The following CTNND2 variants were observed in gnomAD, a reference collection of about 807,000 sequenced individuals.
CTNND2 encodes the protein catenin delta-2.
CTNND2 carries 22 observed loss-of-function variants against 144.4 expected under a neutral mutation model. That is an observed-to-expected ratio of 0.15 (90% CI 0.11 to 0.22). CTNND2 has a LOEUF of 0.22. Ranked by LOEUF, CTNND2 falls within the 10% of genes least tolerant of loss-of-function variation. The probability of loss-of-function intolerance (pLI) is 1.00; values close to 1 mark genes in which losing one functional copy is unlikely to be tolerated. For missense variants in CTNND2, 1,353 were observed against 1,618.8 expected (o/e 0.84, Z 2.82); for synonymous variants, 751 against 695.6 (o/e 1.08, Z -1.25).
intron 2 of CTNND2, among the ~76,000 whole-genome samples, chr5:11,637,986 T>C (rs1401231784): frequency 6.6e-6 from 1 of 152,216 alleles, no homozygotes; most frequent in Non-Finnish European, 1.5e-5. Context: ...AACCGGTCTC[T>C]AAAGTCTTTG....
intron 6 of CTNND2, among the ~76,000 whole-genome samples, chr5:11,394,001 G>A (rs1759855731): frequency 6.6e-6 from 1 of 152,134 alleles, no homozygotes; most frequent in South Asian, 2.1e-4. Context: ...AGCATGCCAG[G>A]CTGCCCCATC....
chr5:11,089,223 G>A (rs1275584826), intron 15 of CTNND2, among the ~76,000 whole-genome samples: 2 of 152,130 alleles, frequency 1.3e-5, no homozygotes, highest in Non-Finnish European at 2.9e-5. Flanking sequence ...ATTTGCCTAT[G>A]TGGGGGTCTC....
intron 20 of CTNND2, among the ~76,000 whole-genome samples, chr5:10,982,328 G>A (rs2149487342): frequency 6.6e-6 from 1 of 152,352 alleles, no homozygotes; most frequent in Non-Finnish European, 1.5e-5. Flanking sequence ...ACGGGCAGGG[G>A]GCATCGCCTG....
intron 3 of CTNND2, among the ~76,000 whole-genome samples, chr5:11,556,681 T>C (rs964955600): frequency 5.9e-5 from 9 of 152,316 alleles, no homozygotes; most frequent in African/African-American, 2.2e-4. Flanking sequence ...GAATGGCCTT[T>C]GATAGTATTT....
chr5:11,291,850 C>G (rs1748381981), intron 9 of CTNND2, among the ~76,000 whole-genome samples: 1 of 152,280 alleles, frequency 6.6e-6, no homozygotes, highest in South Asian at 2.1e-4. Flanking sequence ...TTCCTGATGT[C>G]TTGCAAAACT....
chr5:11,708,355 C>T (rs891542276), intron 2 of CTNND2, among the ~76,000 whole-genome samples: 5 of 152,072 alleles, frequency 3.3e-5, no homozygotes, highest in Admixed American at 3.3e-4. Flanking sequence ...TTAAACATTA[C>T]CAAAGGGGGC....
chr5:11,489,102 G>A lies in CTNND2; in HGVS notation c.287+75842C>T, dbSNP rs148685468. Among the ~76,000 whole-genome samples the A allele has an allele frequency of 2.1e-3, 318 of 152,214 alleles. 3 individuals are homozygous for A. The highest frequency in any genetic ancestry group is 2.9e-3 in the Non-Finnish European group (198 of 68,006). On this transcript the variant is annotated intron_variant, in intron 3 of 21. Transcript: ENST00000304623. The stretch of plus-strand genomic sequence containing the variant: ...AGTTGGATTCTGGGTCACAGGGTAC[G>A]TATATATTTATATGAAATTGCCAAA...
intron 3 of CTNND2, among the ~76,000 whole-genome samples, chr5:11,446,837 AG>A (rs1317024788): frequency 6.6e-6 from 1 of 152,116 alleles, no homozygotes; most frequent in African/African-American, 2.4e-5. Flanking sequence ...CGTGGATAAA[AG>A]TTTCTCAAAG....
intron 9 of CTNND2, among the ~76,000 whole-genome samples, chr5:11,327,306 G>C (rs577934299): frequency 8.8e-4 from 134 of 152,146 alleles, no homozygotes; most frequent in Non-Finnish European, 1.2e-3. Context: ...TGGGACAAAG[G>C]CTCAGTGGGA....
chr5:11,213,153 G>GT (rs1476814761), intron 10 of CTNND2, among the ~76,000 whole-genome samples: 1 of 152,142 alleles, frequency 6.6e-6, no homozygotes, highest in Non-Finnish European at 1.5e-5. Context: ...CAACTTAAAT[G>GT]TTTTTACTCC....
chr5:11,637,937 C>T (rs568358978), intron 2 of CTNND2, among the ~76,000 whole-genome samples: 39 of 152,168 alleles, frequency 2.6e-4, no homozygotes, highest in South Asian at 4.1e-4. Context: ...CTTAAGAAAA[C>T]GAATACCGTA....
In CTNND2 at chr5:11,412,087, C is replaced by G. The variant is rs773327122; in HGVS notation, c.288-18G>C. 6 of 1,600,702 alleles carry G rather than the reference C, an allele frequency of 3.7e-6. No individual in the cohort carries two copies. The East Asian group carries it at 8.9e-5, about 24-fold the overall frequency. On this transcript the variant is annotated intron_variant, in intron 3 of 21. Transcript: ENST00000304623. ...CTGCTGAACTGTAAAAAAGAAAATA[C>G]AGAGATATAATGCATTGATTAGAAA...
intron 2 of CTNND2, among the ~76,000 whole-genome samples, chr5:11,598,947 C>G (rs886763036): frequency 1.3e-5 from 2 of 152,140 alleles, no homozygotes; most frequent in Admixed American, 6.5e-5. Context: ...AGGAAACTCA[C>G]AATTACGTCA....
At chr5:11,178,510 A>G (rs562542359) in intron 11 of CTNND2, among the ~76,000 whole-genome samples, 1 of 152,326 alleles carries the variant, frequency 6.6e-6, no homozygotes, top group South Asian at 2.1e-4. Flanking sequence ...ATAGAGAGGC[A>G]GAGATGATAC....
chr5:11,653,293 T>C lies in CTNND2; in HGVS notation c.174+78843A>G, dbSNP rs547906196. 6.6e-5 allele frequency among the ~76,000 whole-genome samples: 10 copies of C among 152,250 alleles called. No homozygotes were observed. The East Asian group carries it at 9.7e-4, about 15-fold the overall frequency. ...CCATTATAGTGCGATTGCTGTGTGG[T>C]AGTTCTGTTTTTCGTTTTTTGAGAA... On this transcript the variant is annotated intron_variant, in intron 2 of 21. Transcript: ENST00000304623.
chr5:11,356,583 C>T (rs1755902462), intron 8 of CTNND2, among the ~76,000 whole-genome samples: 1 of 151,946 alleles, frequency 6.6e-6, no homozygotes, highest in Admixed American at 6.6e-5. Flanking sequence ...AAACCAGAAA[C>T]TTTGAAACAA....
chr5:11,848,714 A>G (rs1794869761), intron 1 of CTNND2, among the ~76,000 whole-genome samples: 1 of 152,198 alleles, frequency 6.6e-6, no homozygotes, highest in Non-Finnish European at 1.5e-5. Flanking sequence ...GAGAGCTTCT[A>G]TACACATAGC....
chr5:11,548,566 A>C (rs1440103261), intron 3 of CTNND2, among the ~76,000 whole-genome samples: 1 of 152,196 alleles, frequency 6.6e-6, no homozygotes, highest in Non-Finnish European at 1.5e-5. Flanking sequence ...TCTATGATGT[A>C]GTTCAGTATA....
intron 2 of CTNND2, among the ~76,000 whole-genome samples, chr5:11,696,582 A>G (rs1785149117): frequency 6.6e-6 from 1 of 152,176 alleles, no homozygotes. Context: ...TTTGCATTAG[A>G]ATGAGTTTCC....
Sources: gnomAD v4.1 joint callset for allele counts (sites outside exome capture counted in the v4.1 genomes callset) on GRCh38, gnomAD v4.1.1 for gene constraint, MANE v1.5 for transcripts, NCBI Gene and HGNC (gene_info 2026-07-23, HGNC 2026-07-21) for gene names.